The following TMTC1 variants were observed in gnomAD, a reference collection of about 807,000 sequenced individuals.
TMTC1 encodes protein O-mannosyl-transferase TMTC1.
A neutral mutation model predicts 104.8 loss-of-function variants in TMTC1; 73 were observed. That is an observed-to-expected ratio of 0.70 (90% CI 0.58 to 0.85). TMTC1 has a LOEUF of 0.85. Among genes scored for constraint, TMTC1 ranks in the 40% least tolerant of loss-of-function variants. The pLI, the probability that TMTC1 is intolerant of heterozygous loss-of-function variation, is 0.00. For synonymous variants in TMTC1, 434 were observed against 428.7 expected, an observed-to-expected ratio of 1.01 and a Z score of -0.15; for missense variants, 1,035 against 1,096.1, an observed-to-expected ratio of 0.94 and a Z score of 0.79.
intron 15 of TMTC1, among the ~76,000 whole-genome samples, chr12:29,516,126 C>T (rs1943978861): frequency 6.6e-6 from 1 of 152,056 alleles, no homozygotes; most frequent in African/African-American, 2.4e-5. Context: ...GACAATACCA[C>T]ATAAAAGCTT....
intron 5 of TMTC1, among the ~76,000 whole-genome samples, chr12:29,677,577 T>C (rs1485628461): frequency 1.3e-5 from 2 of 152,228 alleles, no homozygotes; most frequent in Non-Finnish European, 2.9e-5. Flanking sequence ...CGTCCAAAAA[T>C]AGGAAATGGA....
chr12:29,685,355 T>C (rs1941058181), intron 5 of TMTC1, among the ~76,000 whole-genome samples: 1 of 149,552 alleles, frequency 6.7e-6, no homozygotes, highest in African/African-American at 2.4e-5. Context: ...GTTACCAAAA[T>C]TATTTCCAAA....
intron 5 of TMTC1, among the ~76,000 whole-genome samples, chr12:29,715,753 G>A (rs1484704716): frequency 6.6e-6 from 1 of 152,058 alleles, no homozygotes; most frequent in Non-Finnish European, 1.5e-5. Flanking sequence ...TACAATCGTG[G>A]TGGAAGACAC....
At chr12:29,676,337 T>C (rs1282774770) in intron 5 of TMTC1, among the ~76,000 whole-genome samples, 1 of 152,218 alleles carries the variant, frequency 6.6e-6, no homozygotes, top group African/African-American at 2.4e-5. Context: ...TATAAGATTA[T>C]CCAAAATGAT....
intron 5 of TMTC1, among the ~76,000 whole-genome samples, chr12:29,638,407 C>T (rs1938666323): frequency 6.6e-6 from 1 of 152,084 alleles, no homozygotes; most frequent in Admixed American, 6.5e-5. Context: ...ACTCCATCTC[C>T]CTTCTGGATC....
chr12:29,711,218 A>T (rs1438689265), intron 5 of TMTC1, among the ~76,000 whole-genome samples: 1 of 151,926 alleles, frequency 6.6e-6, no homozygotes, highest in East Asian at 1.9e-4. Context: ...GCCTCAAGCA[A>T]TCCTTCTGCC....
intron 10 of TMTC1, among the ~76,000 whole-genome samples, chr12:29,540,173 T>C (rs112171441): frequency 6.6e-5 from 10 of 152,162 alleles, no homozygotes; most frequent in Non-Finnish European, 1.3e-4. Context: ...GGGAACCTAC[T>C]GCTGCCTCTT....
At chr12:29,694,419 T>G (rs1195629851) in intron 5 of TMTC1, among the ~76,000 whole-genome samples, 1 of 152,134 alleles carries the variant, frequency 6.6e-6, no homozygotes, top group Admixed American at 6.5e-5. Flanking sequence ...TCTACACACA[T>G]CCTCCCATAC....
intron 4 of TMTC1, among the ~76,000 whole-genome samples, chr12:29,755,485 C>T (rs1035202405): frequency 1.3e-5 from 2 of 152,174 alleles, no homozygotes. Flanking sequence ...CTGGGGCTCA[C>T]AAAAACTTCA....
chr12:29,577,201 G>A (rs1049035360), intron 8 of TMTC1, among the ~76,000 whole-genome samples: 1 of 152,054 alleles, frequency 6.6e-6, no homozygotes, highest in Non-Finnish European at 1.5e-5. Flanking sequence ...TGTTAGGGGA[G>A]CCAGGTTTTG....
At chr12:29,660,935 A>C (rs1337282664) in intron 5 of TMTC1, 1 of 1,145,062 alleles carries the variant, frequency 8.7e-7, no homozygotes, top group African/African-American at 1.6e-5. Flanking sequence ...TACCAGACAC[A>C]ATGTTCTCCT....
At chr12:29,741,368 G>A (rs2136944539) in intron 5 of TMTC1, among the ~76,000 whole-genome samples, 1 of 152,312 alleles carries the variant, frequency 6.6e-6, no homozygotes, top group Non-Finnish European at 1.5e-5. Context: ...CAGGCCAATG[G>A]AGTATGGTCA....
chr12:29,768,095 A>G lies in TMTC1; in HGVS notation c.303-20T>C. On this transcript the variant is annotated intron_variant, in intron 1 of 17. Transcript: ENST00000539277. ...TTTAGCCTGTAAAACAAAAGAAAAA[A>G]GAAAAAAACTGCATTAGCTACAAAC... is the stretch of plus-strand genomic sequence containing the variant. 1 of 1,537,278 alleles carries G rather than the reference A, an allele frequency of 6.5e-7. No homozygotes were observed. The highest frequency in any genetic ancestry group is 8.7e-7 in the Non-Finnish European group (1 of 1,142,898).
intron 5 of TMTC1, among the ~76,000 whole-genome samples, chr12:29,737,515 A>C (rs1942711913): frequency 6.6e-6 from 1 of 152,160 alleles, no homozygotes; most frequent in South Asian, 2.1e-4. Flanking sequence ...ACTCCGTCAA[A>C]AAAATAAAAA....
At chr12:29,570,067 T>C (rs1462555015) in intron 9 of TMTC1, among the ~76,000 whole-genome samples, 1 of 152,340 alleles carries the variant, frequency 6.6e-6, no homozygotes, top group Middle Eastern at 3.4e-3. Flanking sequence ...TAGTCTGTTA[T>C]AATAAAACCA....
At chr12:29,636,275 A>T (rs1330859307) in intron 5 of TMTC1, among the ~76,000 whole-genome samples, 2 of 152,166 alleles carry the variant, frequency 1.3e-5, no homozygotes, top group African/African-American at 2.4e-5. Context: ...CTACTTTTTA[A>T]CTAGGGAAAA....
At chr12:29,779,550 T>C (rs1943786623) in intron 1 of TMTC1, among the ~76,000 whole-genome samples, 1 of 152,246 alleles carries the variant, frequency 6.6e-6, no homozygotes, top group Non-Finnish European at 1.5e-5. Context: ...TTATTATTTA[T>C]TAGTATACAA....
chr12:29,745,933 C>T (rs1165925235), intron 5 of TMTC1, among the ~76,000 whole-genome samples: 1 of 152,096 alleles, frequency 6.6e-6, no homozygotes, highest in Non-Finnish European at 1.5e-5. Context: ...CTTAACTATG[C>T]ATGCCATTGA....
At chr12:29,680,074 G>A (rs111627413) in intron 5 of TMTC1, among the ~76,000 whole-genome samples, 3,567 of 152,200 alleles carry the variant, frequency 0.023, 147 homozygotes, top group African/African-American at 0.082. Flanking sequence ...GAGTAATGTG[G>A]AATAAAGCAA....
Sources: allele counts gnomAD v4.1 joint callset (sites outside exome capture counted in the v4.1 genomes callset), GRCh38; gene constraint gnomAD v4.1.1; transcripts MANE v1.5; gene names NCBI Gene and HGNC (gene_info 2026-07-23, HGNC 2026-07-21).